Variants in BABAM2 observed in about 807,000 individuals in gnomAD.
BABAM2 encodes BRISC and BRCA1-A complex member 2.
Under a neutral mutation model 54.7 loss-of-function variants are expected in BABAM2, and 31 were observed. The observed-to-expected ratio is 0.57, with a 90% CI of 0.43 to 0.77. BABAM2 has a LOEUF of 0.77. Among genes scored for constraint, BABAM2 ranks in the 30% least tolerant of loss-of-function variants. The pLI is 0.00. For missense variants in BABAM2, 364 were observed against 455.8 expected (o/e 0.80, Z 1.83); for synonymous variants, 167 against 162.9 (o/e 1.03, Z -0.19).
At chr2:28,311,946 C>T (rs550032035) in intron 11 of BABAM2, among the ~76,000 whole-genome samples, 2 of 152,198 alleles carry the variant, frequency 1.3e-5, no homozygotes, top group East Asian at 3.9e-4. Context: ...GAACACACAC[C>T]CAATAAAATA....
intron 4 of BABAM2, among the ~76,000 whole-genome samples, chr2:28,019,927 T>G (rs1203030939): frequency 6.6e-6 from 1 of 152,204 alleles, no homozygotes; most frequent in Non-Finnish European, 1.5e-5. Flanking sequence ...TCGGGTAATG[T>G]GATGCCTCCA....
In BABAM2 at chr2:28,248,219, T is replaced by G. The variant is rs1306492459; in HGVS notation, c.934+3357T>G. ...TTATTTTCTTTTTCTTTTTTTTTTT[T>G]TTTTTTTGAGACGGAGTTTTGCTCT... On this transcript the variant is annotated intron_variant, in intron 10 of 11. Coordinates refer to ENST00000379624, the MANE Select transcript of BABAM2 (RefSeq NM_199191.3). Among the ~76,000 whole-genome samples, 7 of 134,286 alleles carry G rather than the reference T, an allele frequency of 5.2e-5. No individual in the cohort carries two copies. In the East Asian group the frequency reaches 1.4e-3, roughly 27 times the overall value. The allele number at this position is 134,286 out of a possible 152,430, so 88.1% of individuals were successfully genotyped here.
intron 6 of BABAM2, among the ~76,000 whole-genome samples, chr2:28,120,187 A>G (rs1239275426): frequency 6.6e-6 from 1 of 152,224 alleles, no homozygotes; most frequent in South Asian, 2.1e-4. Flanking sequence ...CACATAAAGC[A>G]TATACTTTTA....
rs61381242 is a variant in BABAM2, at chr2:28,251,086, T to C, written c.934+6224T>C. 8.3e-3 allele frequency among the ~76,000 whole-genome samples: 1,263 copies of C among 152,328 alleles called. 11 individuals carry two copies. The highest frequency in any genetic ancestry group is 0.028 in the African/African-American group (1,181 of 41,566). Reference sequence around the variant, plus strand: ...AGGTTCTTACTCTGATGTTTTTCTTTATTTTAAATGACTAATGTTCACACA... The same window carrying C: ...AGGTTCTTACTCTGATGTTTTTCTTCATTTTAAATGACTAATGTTCACACA... On this transcript the variant is annotated intron_variant, in intron 10 of 11. Coordinates refer to ENST00000379624, the MANE Select transcript of BABAM2 (RefSeq NM_199191.3).
At chr2:28,278,437 C>T (rs1165379004) in intron 10 of BABAM2, among the ~76,000 whole-genome samples, 1 of 152,156 alleles carries the variant, frequency 6.6e-6, no homozygotes, top group African/African-American at 2.4e-5. Context: ...GGTGAACACT[C>T]AGATTTTGGA....
intron 3 of BABAM2, among the ~76,000 whole-genome samples, chr2:27,972,182 A>T (rs940865474): frequency 2.6e-5 from 4 of 152,196 alleles, no homozygotes; most frequent in Non-Finnish European, 5.9e-5. Flanking sequence ...TTGTCTTATT[A>T]TTAACCACTG....
At chr2:28,144,076 C>G (rs373816916) in intron 7 of BABAM2, among the ~76,000 whole-genome samples, 1 of 152,186 alleles carries the variant, frequency 6.6e-6, no homozygotes, top group Non-Finnish European at 1.5e-5. Flanking sequence ...CTGGACGTTA[C>G]ATAATTTCTG....
chr2:28,276,018 A>G (rs1408115121), intron 10 of BABAM2, among the ~76,000 whole-genome samples: 3 of 151,468 alleles, frequency 2.0e-5, no homozygotes, highest in South Asian at 2.1e-4. Context: ...AAAAAAAAAA[A>G]AAAGAAAGAA....
At chr2:28,315,780 G>A (rs868821638) in intron 11 of BABAM2, among the ~76,000 whole-genome samples, 6 of 151,652 alleles carry the variant, frequency 4.0e-5, no homozygotes, top group African/African-American at 4.9e-5. Context: ...GGCATAAGCC[G>A]CCTCACCCAG....
intron 10 of BABAM2, among the ~76,000 whole-genome samples, chr2:28,289,181 C>A (rs1687076300): frequency 6.6e-6 from 1 of 152,090 alleles, no homozygotes; most frequent in Non-Finnish European, 1.5e-5. Context: ...CTGTGGGTGT[C>A]TCTCCCAGAA....
chr2:28,275,002 G>A (rs903395569), intron 10 of BABAM2, among the ~76,000 whole-genome samples: 2 of 152,182 alleles, frequency 1.3e-5, no homozygotes, highest in South Asian at 2.1e-4. Context: ...GAATTCAGAC[G>A]ACTCCAGCTG....
chr2:27,953,659 TA>T (rs1310779325), intron 3 of BABAM2, among the ~76,000 whole-genome samples: 3 of 150,630 alleles, frequency 2.0e-5, no homozygotes, highest in Non-Finnish European at 3.0e-5. Context: ...AAAAAAAAAA[TA>T]TTTCTTTTTT....
rs139713544 is a variant in BABAM2 at position 27,995,443 on chromosome 2, G to A, written c.300+7356G>A. On this transcript the variant is annotated intron_variant, in intron 4 of 11. Coordinates refer to ENST00000379624, the MANE Select transcript of BABAM2 (RefSeq NM_199191.3). The surrounding 1 kb of genome is among the most constrained non-coding windows in gnomAD (Gnocchi z 4.1). Reference sequence around the variant, plus strand: ...AAAATGTTTACAGGGTCTGGCCCCCGCTTCATAAACAGGGTAAAGCAGAAT... The same window carrying A: ...AAAATGTTTACAGGGTCTGGCCCCCACTTCATAAACAGGGTAAAGCAGAAT... Among the ~76,000 whole-genome samples, 124 of 152,162 alleles carry A rather than the reference G, an allele frequency of 8.1e-4. No individual in the cohort carries two copies. The highest frequency in any genetic ancestry group is 2.8e-3 in the African/African-American group (116 of 41,506).
intron 7 of BABAM2, among the ~76,000 whole-genome samples, chr2:28,181,562 A>C (rs1675628472): frequency 6.6e-6 from 1 of 152,204 alleles, no homozygotes; most frequent in African/African-American, 2.4e-5. Context: ...AAAAGACTTA[A>C]AATGTCCCAG....
intron 11 of BABAM2, chr2:28,310,247 A>G: frequency 1.6e-6 from 2 of 1,268,500 alleles, no homozygotes; most frequent in Non-Finnish European, 2.2e-6. Context: ...TACTGCCAAT[A>G]CAGCCCTCAT....
chr2:28,210,587 T>G (rs1679355171), intron 7 of BABAM2, among the ~76,000 whole-genome samples: 1 of 152,184 alleles, frequency 6.6e-6, no homozygotes, highest in African/African-American at 2.4e-5. Context: ...GCTCCAGGGA[T>G]TTTGGTTTTC....
chr2:28,048,680 G>A lies in BABAM2; in HGVS notation c.570+2881G>A, dbSNP rs1677784513. 2.0e-5 allele frequency among the ~76,000 whole-genome samples: 3 copies of A among 152,236 alleles called. No individual in the cohort carries two copies. In the South Asian group the frequency reaches 6.2e-4, roughly 32 times the overall value. ...CAACTGTCTTATGTCTGTTCCACTG[G>A]GCTCAGTTGTGTACCCCTGAACTTC... On this transcript the variant is annotated intron_variant, in intron 6 of 11. Coordinates refer to ENST00000379624, the MANE Select transcript of BABAM2 (RefSeq NM_199191.3).
intron 4 of BABAM2, among the ~76,000 whole-genome samples, chr2:28,002,326 G>T (rs1266266991): frequency 6.6e-6 from 1 of 152,052 alleles, no homozygotes; most frequent in Non-Finnish European, 1.5e-5. Context: ...CCTCATATAG[G>T]TCATTGTATC....
In BABAM2 at chr2:28,231,785, CTTTTTTTTTTTTTTTTTTTT is replaced by C. The variant is rs549515372; in HGVS notation, c.681-5398_681-5379del. ...CATTCTAATGCTTTGAGAGAGATGT[CTTTTTTTTTTTTTTTTTTTT>C]TTTTTTTTTTTTTTTTTTAAGAGAC... On this transcript the variant is annotated intron_variant, in intron 7 of 11. Coordinates refer to ENST00000379624, the MANE Select transcript of BABAM2 (RefSeq NM_199191.3). Among the ~76,000 whole-genome samples the C allele has an allele frequency of 4.9e-4, 28 of 57,676 alleles. 1 individual carries two copies. Among genetic ancestry groups the C allele is most frequent in the East Asian group, 1.4e-3 (1 of 714 alleles). 37.8% of individuals were successfully genotyped at this position (57,676 alleles called of 152,430 possible).
Sources: gnomAD v4.1 joint callset for allele counts (sites outside exome capture counted in the v4.1 genomes callset) on GRCh38, gnomAD v4.1.1 for gene constraint, Gnocchi (gnomAD v3.1) non-coding constraint, MANE v1.5 for transcripts, NCBI Gene and HGNC (gene_info 2026-07-23, HGNC 2026-07-21) for gene names.